MCM10: variants seen among roughly 807,000 people sequenced by gnomAD.
The protein encoded by MCM10 is protein MCM10 homolog.
MCM10 carries 91 observed loss-of-function variants against 109.9 expected under a neutral mutation model. The ratio of observed to expected loss-of-function variants is 0.83; its 90% CI spans 0.70 to 0.99. The LOEUF (loss-of-function observed/expected upper bound fraction) is 0.99. Among genes scored for constraint, MCM10 ranks in the 50% least tolerant of loss-of-function variants. MCM10 has a pLI of 0.00. For synonymous variants in MCM10, 380 were observed against 387.2 expected (o/e 0.98, Z 0.22); for missense variants, 1,077 against 1,061.2 (o/e 1.01, Z -0.21).
At chr10:13,180,327 C>T in intron 6 of MCM10, 115 bp from the exon 7 acceptor site, 1 of 746,302 alleles carries the variant, frequency 1.3e-6, no homozygotes, top group Non-Finnish European at 2.1e-6. Context: ...ACTAAGCTTC[C>T]CAAGAACAGG....
rs1207681967 is a variant in MCM10, at chr10:13,182,809, C to A, written c.931-124C>A. ...ATGCTGATGATACATATTTGAATAA[C>A]AACAAAAAAACTTGGATTTTATGGA... is the stretch of plus-strand genomic sequence containing the variant. On this transcript the variant is annotated intron_variant, in intron 7 of 19. Coordinates refer to ENST00000378714, the MANE Select transcript of MCM10 (RefSeq NM_018518.5). This position sits in a 1 kb window ranked among gnomAD's most constrained non-coding sequence, Gnocchi z 4.2. The A allele has an allele frequency of 5.8e-6, 4 of 684,842 alleles. No individual in the cohort carries two copies. The highest frequency in any genetic ancestry group is 2.3e-5 in the South Asian group (1 of 43,400). 42.4% of individuals were successfully genotyped at this position (684,842 alleles called of 1,614,324 possible).
chr10:13,181,334 C>T (rs1461093097), intron 7 of MCM10, among the ~76,000 whole-genome samples: 1 of 152,142 alleles, frequency 6.6e-6, no homozygotes, highest in Non-Finnish European at 1.5e-5. Context: ...AGATCTTGGC[C>T]CACCTTTGGT....
At chr10:13,205,036 ATATATATATATATATATT>A (rs1564395049) in intron 18 of MCM10, among the ~76,000 whole-genome samples, 1 of 30,766 alleles carries the variant, frequency 3.3e-5, no homozygotes, top group African/African-American at 5.9e-5. Context: ...ATATATATAT[ATATATATATATATATATT>A]AATTTGTATA....
chr10:13,180,669 C>A, intron 7 of MCM10, 62 bp downstream of exon 7: 1 of 1,575,566 alleles, frequency 6.3e-7, no homozygotes, highest in Non-Finnish European at 8.7e-7. Context: ...AATTCGATGT[C>A]CTGAATTTGT....
rs1396335675 is a variant in MCM10 at position 13,195,024 on chromosome 10, CTG to C, written c.1746-15_1746-14del. 1.2e-6 allele frequency: 2 copies of C among 1,604,120 alleles called. No homozygotes were observed. Among genetic ancestry groups the C allele is most frequent in the East Asian group, 4.5e-5 (2 of 44,662 alleles). On this transcript the variant is annotated splice_polypyrimidine_tract_variant and intron_variant, in intron 13 of 19. Coordinates refer to ENST00000378714, the MANE Select transcript of MCM10 (RefSeq NM_018518.5). ...CGTAAACCCTGTTTGCGTATTTTGA[CTG>C]TATGTTCTTTAAAGATTTCTGCAGA...
At chr10:13,167,684 G>C (rs1349979624) in intron 2 of MCM10, among the ~76,000 whole-genome samples, 1 of 152,166 alleles carries the variant, frequency 6.6e-6, no homozygotes, top group Non-Finnish European at 1.5e-5. Context: ...TCAGAGAGCT[G>C]TGATCTGGAA....
intron 6 of MCM10, among the ~76,000 whole-genome samples, chr10:13,178,517 G>A (rs1214791795): frequency 6.6e-6 from 1 of 152,190 alleles, no homozygotes; most frequent in African/African-American, 2.4e-5. Context: ...CCCAATGTAT[G>A]TTCTTTGCAC....
At chr10:13,205,188 C>T (rs1166946407) in intron 18 of MCM10, among the ~76,000 whole-genome samples, 3 of 151,932 alleles carry the variant, frequency 2.0e-5, no homozygotes, top group Admixed American at 1.3e-4. Context: ...TTTCTCCTCC[C>T]TCGCCCCCTC....
chr10:13,178,729 T>C (rs963855952), intron 6 of MCM10, among the ~76,000 whole-genome samples: 2 of 152,234 alleles, frequency 1.3e-5, no homozygotes, highest in African/African-American at 4.8e-5. Flanking sequence ...GGTTGTTTTT[T>C]CTGTTTCTGT....
intron 5 of MCM10, among the ~76,000 whole-genome samples, chr10:13,174,155 T>C (rs1174800730): frequency 1.4e-5 from 2 of 143,996 alleles, no homozygotes; most frequent in African/African-American, 5.1e-5. Flanking sequence ...TTTTTTTTTT[T>C]TTTTTGAGAC....
Position 13,204,448 on chromosome 10 carries a change from C to A in MCM10, c.2498+84C>A, listed in dbSNP as rs79054074. ...AGTCTGTGATTCTGTTCCCTTGGAA[C>A]GTTGGATGATCATTCCATGCCTTCC... is the stretch of plus-strand genomic sequence containing the variant. On this transcript the variant is annotated intron_variant, in intron 18 of 19. Transcript: ENST00000378714. 14,338 of 1,520,118 alleles carry A rather than the reference C, an allele frequency of 9.4e-3. 371 individuals carry two copies. Among genetic ancestry groups the A allele is most frequent in the African/African-American group, 0.062 (4,525 of 73,184 alleles). The allele number at this position is 1,520,118 out of a possible 1,614,324, so 94.2% of individuals were successfully genotyped here. A position where few individuals can be genotyped will look rare whatever the true frequency, so the allele number is the denominator to read the frequency against.
chr10:13,202,314 G>A (rs1588479651), intron 17 of MCM10, among the ~76,000 whole-genome samples: 1 of 152,256 alleles, frequency 6.6e-6, no homozygotes, highest in South Asian at 2.1e-4. Flanking sequence ...CTATGATCAC[G>A]CCACTGCACC....
chr10:13,181,869 G>A (rs1233313366), intron 7 of MCM10, among the ~76,000 whole-genome samples: 1 of 152,114 alleles, frequency 6.6e-6, no homozygotes. Flanking sequence ...ACAAATCCCT[G>A]GAAGATGGAT....
chr10:13,173,661 G>A (rs760776745), intron 5 of MCM10, among the ~76,000 whole-genome samples: 21 of 152,186 alleles, frequency 1.4e-4, no homozygotes, highest in African/African-American at 4.6e-4. Flanking sequence ...TGCCACAGTC[G>A]TAGAGAACTA....
rs1405319044 is a variant in MCM10 at position 13,195,266 on chromosome 10, A to C, written c.1971A>C (p.Lys657Asn). 4 of 1,592,038 alleles carry C rather than the reference A, an allele frequency of 2.5e-6. No individual in the cohort carries two copies. Among genetic ancestry groups the C allele is most frequent in the Non-Finnish European group, 2.6e-6 (3 of 1,167,498 alleles). ...AACTGAGTGCTTTAGCAGAAGCCAA[A>C]AAGGTAACTGGCATCTCTTCTCTTT... ...RPKLSALAEA[K>N]KLAAITKLRA... Residue 657 changes from lysine (K) to asparagine (N), a missense_variant, in exon 14 of 20, where the codon AAA becomes AAC. Transcript: ENST00000378714.
chr10:13,210,648 T>C lies in MCM10; in HGVS notation c.*1338T>C, dbSNP rs1157116706. 2.0e-5 allele frequency: 3 copies of C among 152,176 alleles called. No individual in the cohort carries two copies. The highest frequency in any genetic ancestry group is 2.9e-5 in the Non-Finnish European group (2 of 68,032). 9.4% of individuals were successfully genotyped at this position (152,176 alleles called of 1,614,324 possible). A position where few individuals can be genotyped will look rare whatever the true frequency, so the allele number is the denominator to read the frequency against. ...TTCATAAAATTCTGCTCTAATTGGGTGGAAGGTGCTGTATCTAACTTGTGT... is the reference window on the plus strand; with the variant it reads ...TTCATAAAATTCTGCTCTAATTGGGCGGAAGGTGCTGTATCTAACTTGTGT... On this transcript the variant is annotated 3_prime_UTR_variant, in exon 20 of 20. Coordinates refer to ENST00000378714, the MANE Select transcript of MCM10 (RefSeq NM_018518.5).
At position 13,178,762 on chromosome 10, in the gene MCM10, A is replaced by G. The variant is rs74780322; in HGVS notation, c.765-1680A>G. On this transcript the variant is annotated intron_variant, in intron 6 of 19. Coordinates refer to ENST00000378714, the MANE Select transcript of MCM10 (RefSeq NM_018518.5). ...TGTGAAGACTGTCATTGGTACTTTGATGGAGATTGCATTGACGCTCTAGAT... is the reference window on the plus strand; with the variant it reads ...TGTGAAGACTGTCATTGGTACTTTGGTGGAGATTGCATTGACGCTCTAGAT... Among the ~76,000 whole-genome samples the G allele has an allele frequency of 1.7e-4, 26 of 152,204 alleles. 1 individual carries two copies. In the East Asian group the frequency reaches 4.8e-3, roughly 28 times the overall value.
chr10:13,184,741 A>G (rs1050762870), intron 8 of MCM10, among the ~76,000 whole-genome samples: 1 of 152,312 alleles, frequency 6.6e-6, no homozygotes, highest in East Asian at 1.9e-4. Context: ...TTTAAACACT[A>G]TAGTGATTTA....
intron 17 of MCM10, among the ~76,000 whole-genome samples, chr10:13,203,110 G>A (rs1295165594): frequency 6.6e-6 from 1 of 152,092 alleles, no homozygotes; most frequent in Non-Finnish European, 1.5e-5. Context: ...CTCCCAAAGC[G>A]CTGGGATTAC....
Sources: gnomAD v4.1 joint callset for allele counts (sites outside exome capture counted in the v4.1 genomes callset) on GRCh38, gnomAD v4.1.1 for gene constraint, Gnocchi (gnomAD v3.1) non-coding constraint, MANE v1.5 for transcripts, NCBI Gene and HGNC (gene_info 2026-07-23, HGNC 2026-07-21) for gene names.